The following LRRC9 variants were observed in gnomAD, a reference collection of about 807,000 sequenced individuals.
LRRC9 encodes leucine rich repeat containing 9, also known as leucine-rich repeat-containing protein 9.
Under a neutral mutation model 63.2 loss-of-function variants are expected in LRRC9, and 122 were observed. The observed-to-expected ratio is 1.93, with a 90% CI of 1.67 to 2.24. LRRC9 has a LOEUF of 2.24. LRRC9 is among the 30% of genes most tolerant of loss of function. LRRC9 has a pLI of 0.00. For missense variants in LRRC9, 1,071 were observed against 627.7 expected (o/e 1.71, Z -7.55); for synonymous variants, 366 against 213.1 (o/e 1.72, Z -6.25).
chr14:59,935,285 C>G, intron 6 of LRRC9, among the ~76,000 whole-genome samples: 1 of 132,006 alleles, frequency 7.6e-6, no homozygotes, highest in African/African-American at 3.0e-5. Flanking sequence ...CAGAGTGAGA[C>G]TAGGTCTCAA....
chr14:59,967,938 TA>T (rs1335850306), intron 12 of LRRC9, among the ~76,000 whole-genome samples: 1 of 152,214 alleles, frequency 6.6e-6, no homozygotes, highest in Non-Finnish European at 1.5e-5. Flanking sequence ...TTTAGTGAGA[TA>T]ATGCATTAAA....
At position 59,964,643 on chromosome 14, in the gene LRRC9, A is replaced by G. The variant is rs1207350592; in HGVS notation, c.1212-1946A>G. 1.3e-5 allele frequency among the ~76,000 whole-genome samples: 2 copies of G among 152,208 alleles called. No individual in the cohort carries two copies. The highest frequency in any genetic ancestry group is 6.5e-5 in the Admixed American group (1 of 15,278). ...AGCCCTAGTTTCTATCAGAGTGCAGAAAGCTTCCAGGACATGTTACTTAGG... is the reference window on the plus strand; with the variant it reads ...AGCCCTAGTTTCTATCAGAGTGCAGGAAGCTTCCAGGACATGTTACTTAGG... On this transcript the variant is annotated intron_variant, in intron 10 of 31. Transcript: ENST00000445360. The surrounding 1 kb of genome is among the most constrained non-coding windows in gnomAD (Gnocchi z 4.4).
chr14:59,939,829 G>T (rs1249622846), intron 7 of LRRC9, among the ~76,000 whole-genome samples: 3 of 151,864 alleles, frequency 2.0e-5, no homozygotes, highest in Admixed American at 6.6e-5. Flanking sequence ...ACAATTTTTT[G>T]AATATCCTAG....
At chr14:59,934,084 C>G (rs538545185) in intron 6 of LRRC9, among the ~76,000 whole-genome samples, 2 of 150,850 alleles carry the variant, frequency 1.3e-5, no homozygotes, top group South Asian at 2.1e-4. Context: ...TCAGGAGATT[C>G]CAGGAATAAT....
intron 10 of LRRC9, among the ~76,000 whole-genome samples, chr14:59,965,958 G>A (rs1186767898): frequency 4.4e-5 from 6 of 136,996 alleles, no homozygotes; most frequent in South Asian, 4.9e-4. Flanking sequence ...TTATTCCTAC[G>A]GTTTTGACTT....
rs551008602 is a variant in LRRC9 at position 60,057,274 on chromosome 14, T to C, written c.4132-604T>C. Among the ~76,000 whole-genome samples, 19 of 152,278 alleles carry C rather than the reference T, an allele frequency of 1.2e-4. No individual in the cohort carries two copies. In the South Asian group the frequency reaches 3.9e-3, roughly 32 times the overall value. ...CTTCCTAAAATATTTTTCTCCTCTATTTGCTGATTCCTGAAATTCTTACAA... is the reference window on the plus strand; with the variant it reads ...CTTCCTAAAATATTTTTCTCCTCTACTTGCTGATTCCTGAAATTCTTACAA... On this transcript the variant is annotated intron_variant, in intron 30 of 31. Transcript: ENST00000445360.
At chr14:59,984,982 G>C (rs912586199) in intron 16 of LRRC9, 123 bp from the exon 17 acceptor site, 10 of 428,862 alleles carry the variant, frequency 2.3e-5, no homozygotes, top group Middle Eastern at 6.1e-4. Flanking sequence ...TAAAATAACT[G>C]CTTTCTTATT....
At position 59,927,652 on chromosome 14, in the gene LRRC9, G is replaced by A. The variant is rs772041650; in HGVS notation, c.-33-259G>A. The stretch of plus-strand genomic sequence containing the variant: ...TTTCTTCAAGTATTGAAGGCTCATC[G>A]TGTGGAAAAAAAGTTATACCGAGGA... On this transcript the variant is annotated intron_variant, in intron 1 of 31. Transcript: ENST00000445360. This position sits in a 1 kb window ranked among gnomAD's most constrained non-coding sequence, Gnocchi z 4.4. Among the ~76,000 whole-genome samples the A allele has an allele frequency of 1.1e-4, 16 of 151,902 alleles. No individual in the cohort carries two copies. Among genetic ancestry groups the A allele is most frequent in the Admixed American group, 4.6e-4 (7 of 15,236 alleles).
rs1594822859 is a variant in LRRC9 at position 59,938,646 on chromosome 14, A to G, written c.726+74A>G. 4 of 590,626 alleles carry G rather than the reference A, an allele frequency of 6.8e-6. No individual in the cohort carries two copies. In the East Asian group the frequency reaches 1.2e-4, roughly 18 times the overall value. The allele number at this position is 590,626 out of a possible 1,614,324, so 36.6% of individuals were successfully genotyped here. A position where few individuals can be genotyped will look rare whatever the true frequency, so the allele number is the denominator to read the frequency against. On this transcript the variant is annotated intron_variant, in intron 7 of 31. Transcript: ENST00000445360. The surrounding 1 kb of genome is among the most constrained non-coding windows in gnomAD (Gnocchi z 4.2). ...ACGGCTTCTTTCTGGCCATGTCCAC[A>G]TACGGTAGGTAGGATTATCAGTTCA...
rs1436732048 is a variant in LRRC9, at chr14:59,962,072, C to A, written c.1211+1027C>A. Among the ~76,000 whole-genome samples, 3 of 152,070 alleles carry A rather than the reference C, an allele frequency of 2.0e-5. No individual in the cohort carries two copies. Among genetic ancestry groups the A allele is most frequent in the African/African-American group, 4.8e-5 (2 of 41,418 alleles). ...TGTTATTGTTATGGGTTACTTTAAA[C>A]CAAGTCCCCTGATTTCTATTAGACA... On this transcript the variant is annotated intron_variant, in intron 10 of 31. Coordinates refer to ENST00000445360, the Ensembl canonical transcript of LRRC9. The surrounding 1 kb of genome is among the most constrained non-coding windows in gnomAD (Gnocchi z 5.1).
At chr14:59,993,993 A>T (rs1431601109) in intron 17 of LRRC9, among the ~76,000 whole-genome samples, 1 of 152,172 alleles carries the variant, frequency 6.6e-6, no homozygotes, top group East Asian at 1.9e-4. Context: ...TCTCCACCCC[A>T]AATCAACAGA....
At position 60,031,719 on chromosome 14, in the gene LRRC9, T is replaced by G. The variant is rs1192509144; in HGVS notation, c.3922-276T>G. Among the ~76,000 whole-genome samples, 3 of 152,182 alleles carry G rather than the reference T, an allele frequency of 2.0e-5. No homozygotes were observed. Among genetic ancestry groups the G allele is most frequent in the East Asian group, 3.9e-4 (2 of 5,186 alleles). ...ATATGAGTCCTAGAATAAATCATAA[T>G]TCTGAGAAAAAAATTTGATCTTTTC... is the stretch of plus-strand genomic sequence containing the variant. On this transcript the variant is annotated intron_variant, in intron 28 of 31. Coordinates refer to ENST00000445360, the Ensembl canonical transcript of LRRC9. This position sits in a 1 kb window ranked among gnomAD's most constrained non-coding sequence, Gnocchi z 4.6.
At chr14:60,025,158 A>C (rs1031212907) in intron 27 of LRRC9, among the ~76,000 whole-genome samples, 1 of 151,640 alleles carries the variant, frequency 6.6e-6, no homozygotes, top group East Asian at 1.9e-4. Context: ...TGGCACAATC[A>C]TAGCTCACTG....
chr14:60,026,431 T>C (rs1337159927), intron 27 of LRRC9, among the ~76,000 whole-genome samples: 1 of 152,112 alleles, frequency 6.6e-6, no homozygotes, highest in African/African-American at 2.4e-5. Context: ...GCAGACCTTT[T>C]TCCTGTTGAG....
rs1224725574 is a variant in LRRC9 at position 60,017,941 on chromosome 14, T to A, written c.3318-430T>A. 1.3e-5 allele frequency among the ~76,000 whole-genome samples: 2 copies of A among 152,080 alleles called. No individual in the cohort carries two copies. The highest frequency in any genetic ancestry group is 2.9e-5 in the Non-Finnish European group (2 of 67,972). The stretch of plus-strand genomic sequence containing the variant: ...TGCTTTTCCTTTCCTTTCCTATCCC[T>A]AACCACTTCCTGGTATTTCAGAAAT... On this transcript the variant is annotated intron_variant, in intron 24 of 31. Coordinates refer to ENST00000445360, the Ensembl canonical transcript of LRRC9. The surrounding 1 kb of genome is among the most constrained non-coding windows in gnomAD (Gnocchi z 4.0).
intron 27 of LRRC9, among the ~76,000 whole-genome samples, chr14:60,023,293 A>C (rs904922172): frequency 8.5e-5 from 13 of 152,068 alleles, no homozygotes; most frequent in African/African-American, 3.1e-4. Flanking sequence ...CCAAAGATGA[A>C]GTTCAGACTA....
chr14:59,937,511 G>T (rs1881165494), intron 6 of LRRC9, among the ~76,000 whole-genome samples: 1 of 152,090 alleles, frequency 6.6e-6, no homozygotes, highest in South Asian at 2.1e-4. Flanking sequence ...GTTGGGCTCT[G>T]ACAGATTAAA....
At chr14:59,968,121 A>C (rs1885056742) in intron 12 of LRRC9, among the ~76,000 whole-genome samples, 1 of 152,248 alleles carries the variant, frequency 6.6e-6, no homozygotes, top group Non-Finnish European at 1.5e-5. Flanking sequence ...GAAACTTCCT[A>C]CAACATGGAA....
At chr14:60,024,455 T>C (rs566848292) in intron 27 of LRRC9, among the ~76,000 whole-genome samples, 3 of 152,140 alleles carry the variant, frequency 2.0e-5, no homozygotes, top group African/African-American at 7.2e-5. Flanking sequence ...ACAATAATTT[T>C]TAATGGCATA....
Sources: allele counts gnomAD v4.1 joint callset (sites outside exome capture counted in the v4.1 genomes callset), GRCh38; gene constraint gnomAD v4.1.1; non-coding constraint Gnocchi (gnomAD v3.1); transcripts MANE v1.5; gene names NCBI Gene and HGNC (gene_info 2026-07-23, HGNC 2026-07-21).